SGCZ: variants seen among roughly 807,000 people sequenced by gnomAD.
The protein encoded by SGCZ is sarcoglycan zeta, also known as zeta-sarcoglycan.
In SGCZ, 40 loss-of-function variants were observed where a neutral mutation model predicts 41.3. The ratio of observed to expected loss-of-function variants is 0.97; its 90% CI spans 0.75 to 1.26. The LOEUF is 1.26. SGCZ is among the 50% of genes most tolerant of loss of function. SGCZ has a pLI of 0.00. For synonymous variants in SGCZ, 206 were observed against 137.5 expected (o/e 1.50, Z -3.49); for missense variants, 552 against 369.8 (o/e 1.49, Z -4.04).
intron 2 of SGCZ, among the ~76,000 whole-genome samples, chr8:14,519,200 ATGC>A (rs1802715328): frequency 6.6e-6 from 1 of 152,106 alleles, no homozygotes; most frequent in African/African-American, 2.4e-5. Context: ...TAGGAATAGA[ATGC>A]TGATTTGATT....
rs867645230 is a variant in SGCZ at position 15,124,621 on chromosome 8, C to T, written c.39+112964G>A. Among the ~76,000 whole-genome samples the T allele has an allele frequency of 5.9e-5, 9 of 152,208 alleles. No homozygotes were observed. In the South Asian group the frequency reaches 1.7e-3, roughly 28 times the overall value. Reference sequence around the variant, plus strand: ...TCCTCTTCAATTGTAAAAGCAATTGCCAAAATATCATCCAAGCTCCTGATT... The same window carrying T: ...TCCTCTTCAATTGTAAAAGCAATTGTCAAAATATCATCCAAGCTCCTGATT... On this transcript the variant is annotated intron_variant, in intron 1 of 7. Coordinates refer to ENST00000382080, the MANE Select transcript of SGCZ (RefSeq NM_139167.4).
intron 3 of SGCZ, among the ~76,000 whole-genome samples, chr8:14,317,570 C>T (rs1801760147): frequency 6.6e-6 from 1 of 151,612 alleles, no homozygotes; most frequent in Non-Finnish European, 1.5e-5. Context: ...AATTGAAAAT[C>T]TATAAACTTA....
intron 2 of SGCZ, among the ~76,000 whole-genome samples, chr8:14,492,691 GCCTCAAGGCTCAACCTT>G (rs564075507): frequency 1.1e-4 from 17 of 152,228 alleles, no homozygotes; most frequent in African/African-American, 3.4e-4. Flanking sequence ...CATCTTCTGT[GCCTCAAGGCTCAACCTT>G]CCTCATTTAC....
At chr8:14,328,090 A>G (rs932187162) in intron 2 of SGCZ, among the ~76,000 whole-genome samples, 1 of 152,150 alleles carries the variant, frequency 6.6e-6, no homozygotes, top group East Asian at 1.9e-4. Flanking sequence ...ACGAATTTTC[A>G]AGGTTTTCCA....
chr8:14,605,865 G>A (rs1166387617), intron 1 of SGCZ, among the ~76,000 whole-genome samples: 1 of 152,064 alleles, frequency 6.6e-6, no homozygotes, highest in East Asian at 1.9e-4. Flanking sequence ...GGAATGAGAT[G>A]GCTCTTTGTG....
chr8:14,482,550 C>T (rs73188296), intron 2 of SGCZ, among the ~76,000 whole-genome samples: 19 of 152,092 alleles, frequency 1.2e-4, no homozygotes, highest in African/African-American at 1.7e-4. Flanking sequence ...TTGATTAAGA[C>T]GGGTGTGGTG....
At chr8:15,037,451 C>G (rs1303637286) in intron 1 of SGCZ, among the ~76,000 whole-genome samples, 1 of 152,180 alleles carries the variant, frequency 6.6e-6, no homozygotes, top group Non-Finnish European at 1.5e-5. Context: ...ATTACCCAGT[C>G]TCAGGCAGTT....
chr8:15,003,154 G>C (rs1454170485), intron 1 of SGCZ, among the ~76,000 whole-genome samples: 1 of 152,006 alleles, frequency 6.6e-6, no homozygotes, highest in Non-Finnish European at 1.5e-5. Flanking sequence ...TTGTTGTCTT[G>C]GGAGAAAGAT....
At chr8:14,975,901 T>A (rs1490290598) in intron 1 of SGCZ, among the ~76,000 whole-genome samples, 1 of 148,300 alleles carries the variant, frequency 6.7e-6, no homozygotes, top group Non-Finnish European at 1.5e-5. Flanking sequence ...CACACATATA[T>A]ATACACACAC....
intron 1 of SGCZ, among the ~76,000 whole-genome samples, chr8:14,794,713 T>C (rs1215360824): frequency 6.6e-6 from 1 of 152,008 alleles, no homozygotes; most frequent in East Asian, 1.9e-4. Context: ...AGGATGAAAA[T>C]AGGCTCACGA....
intron 1 of SGCZ, among the ~76,000 whole-genome samples, chr8:14,936,045 T>C (rs1397078008): frequency 3.3e-5 from 5 of 151,956 alleles, no homozygotes; most frequent in Non-Finnish European, 7.4e-5. Flanking sequence ...TCAAAACTTG[T>C]ATGTACCTAG....
chr8:14,786,752 GT>G (rs1563268756), intron 1 of SGCZ, among the ~76,000 whole-genome samples: 1 of 150,930 alleles, frequency 6.6e-6, no homozygotes, highest in African/African-American at 2.4e-5. Context: ...CAATGAATAT[GT>G]CATAAATTAG....
chr8:14,927,978 T>C (rs926057487), intron 1 of SGCZ, among the ~76,000 whole-genome samples: 1 of 152,148 alleles, frequency 6.6e-6, no homozygotes, highest in Non-Finnish European at 1.5e-5. Flanking sequence ...TCAGTCAAAG[T>C]CATCTCCTTT....
intron 2 of SGCZ, among the ~76,000 whole-genome samples, chr8:14,484,074 T>A (rs749139538): frequency 8.5e-5 from 13 of 152,206 alleles, no homozygotes; most frequent in Non-Finnish European, 1.9e-4. Flanking sequence ...CATGTTACTT[T>A]ATTATACCTG....
At chr8:14,476,592 T>C (rs990130176) in intron 2 of SGCZ, among the ~76,000 whole-genome samples, 1 of 152,204 alleles carries the variant, frequency 6.6e-6, no homozygotes, top group African/African-American at 2.4e-5. Flanking sequence ...TATCTATGGC[T>C]AATGGTCAAT....
chr8:14,667,031 T>C lies in SGCZ; in HGVS notation c.40-112105A>G, dbSNP rs186891436. On this transcript the variant is annotated intron_variant, in intron 1 of 7. Coordinates refer to ENST00000382080, the MANE Select transcript of SGCZ (RefSeq NM_139167.4). ...ATGATCAGTTTATATATAGCAATGA[T>C]AATAGAGACATATAGAGAGAGACAT... 3.8e-4 allele frequency among the ~76,000 whole-genome samples: 58 copies of C among 152,196 alleles called. No homozygotes were observed. The East Asian group carries it at 7.1e-3, about 19-fold the overall frequency.
chr8:14,372,406 C>T (rs560873438), intron 2 of SGCZ, among the ~76,000 whole-genome samples: 7 of 152,074 alleles, frequency 4.6e-5, no homozygotes, highest in Non-Finnish European at 8.8e-5. Context: ...GCCAGATAAT[C>T]TTCTATGTTC....
chr8:14,827,425 C>A (rs1225779587), intron 1 of SGCZ, among the ~76,000 whole-genome samples: 1 of 151,866 alleles, frequency 6.6e-6, no homozygotes, highest in Non-Finnish European at 1.5e-5. Flanking sequence ...TTAGTAGAGA[C>A]AGGGTTTCTT....
intron 1 of SGCZ, among the ~76,000 whole-genome samples, chr8:14,704,658 A>G (rs1258189137): frequency 1.3e-5 from 2 of 151,972 alleles, no homozygotes; most frequent in African/African-American, 2.4e-5. Flanking sequence ...CAAGTCTGCT[A>G]CAGAGAATTG....
Sources: allele counts gnomAD v4.1 joint callset (sites outside exome capture counted in the v4.1 genomes callset), GRCh38; gene constraint gnomAD v4.1.1; transcripts MANE v1.5; gene names NCBI Gene and HGNC (gene_info 2026-07-23, HGNC 2026-07-21).